The following SVEP1 variants were observed in gnomAD, a reference collection of about 807,000 sequenced individuals.
SVEP1 encodes sushi, von Willebrand factor type A, EGF and pentraxin domain-containing protein 1.
Under a neutral mutation model 367.3 loss-of-function variants are expected in SVEP1, and 164 were observed. The ratio of observed to expected loss-of-function variants is 0.45; its 90% CI spans 0.39 to 0.51. The LOEUF is 0.51. SVEP1 is among the 20% of genes least tolerant of loss of function. SVEP1 has a pLI of 0.00. For synonymous variants in SVEP1, 1,666 were observed against 1,611.6 expected (o/e 1.03, Z -0.81); for missense variants, 4,117 against 4,425.3 (o/e 0.93, Z 1.98).
chr9:110,403,853 C>T (rs1459388031), intron 39 of SVEP1, among the ~76,000 whole-genome samples: 1 of 144,192 alleles, frequency 6.9e-6, no homozygotes, highest in Non-Finnish European at 1.5e-5. Flanking sequence ...TAATAATACA[C>T]TTTTTTTTTT....
chr9:110,435,111 C>A, intron 29 of SVEP1, 130 bp downstream of exon 29: 3 of 973,506 alleles, frequency 3.1e-6, no homozygotes, highest in Middle Eastern at 2.6e-4. Context: ...ATATGAATTA[C>A]TAGTTACAAA....
intron 27 of SVEP1, among the ~76,000 whole-genome samples, chr9:110,441,636 AGAGT>A (rs1258112501): frequency 6.6e-6 from 1 of 152,206 alleles, no homozygotes; most frequent in Non-Finnish European, 1.5e-5. Context: ...GGTTTAAGGA[AGAGT>A]GGCTTTCTCT....
At chr9:110,521,598 C>G (rs561933498) in intron 3 of SVEP1, among the ~76,000 whole-genome samples, 5 of 152,272 alleles carry the variant, frequency 3.3e-5, no homozygotes, top group Admixed American at 3.3e-4. Flanking sequence ...CAAAAATACA[C>G]ACATATATTC....
intron 39 of SVEP1, 53 bp downstream of exon 39, chr9:110,404,274 G>C (rs1827918201): frequency 6.5e-7 from 1 of 1,534,958 alleles, no homozygotes; most frequent in Admixed American, 1.7e-5. Context: ...CTGCTTGCTT[G>C]GCAATATATG....
chr9:110,406,134 T>C (rs762611272), intron 38 of SVEP1, 26 bp downstream of exon 38: 1 of 1,521,660 alleles, frequency 6.6e-7, no homozygotes, highest in Non-Finnish European at 8.8e-7. Context: ...CCGCACCCCT[T>C]GGAGACCCTA....
At chr9:110,556,217 T>C (rs1040893292) in intron 1 of SVEP1, among the ~76,000 whole-genome samples, 1 of 151,976 alleles carries the variant, frequency 6.6e-6, no homozygotes, top group Non-Finnish European at 1.5e-5. Flanking sequence ...GGTTGTGTAA[T>C]ATTGTTCTAA....
intron 3 of SVEP1, among the ~76,000 whole-genome samples, chr9:110,541,017 G>A (rs1026810808): frequency 6.6e-6 from 1 of 152,104 alleles, no homozygotes; most frequent in Non-Finnish European, 1.5e-5. Context: ...AGCTATCTTT[G>A]GTCTCAAGGG....
At chr9:110,457,147 G>A in intron 21 of SVEP1, 109 bp downstream of exon 21, 1 of 839,330 alleles carries the variant, frequency 1.2e-6, no homozygotes, top group Non-Finnish European at 1.8e-6. Context: ...ACATTTACAT[G>A]GTCTAATGTA....
At chr9:110,482,519 T>A in intron 10 of SVEP1, 27 bp from the exon 11 acceptor site, 8 of 1,551,398 alleles carry the variant, frequency 5.2e-6, no homozygotes, top group Non-Finnish European at 7.0e-6. Context: ...GCAGCCAATT[T>A]TTGGGTTGTA....
chr9:110,445,020 G>A (rs1047416629), intron 26 of SVEP1, among the ~76,000 whole-genome samples: 24 of 152,316 alleles, frequency 1.6e-4, no homozygotes, highest in African/African-American at 5.8e-4. Context: ...CCAACAACCT[G>A]CTCATAAGTA....
intron 46 of SVEP1, 35 bp from the exon 47 acceptor site, chr9:110,370,051 T>C: frequency 1.3e-6 from 2 of 1,576,964 alleles, no homozygotes; most frequent in Non-Finnish European, 1.7e-6. Context: ...ATTTAATTAA[T>C]ACTTAGCAAT....
At chr9:110,461,526 A>C (rs941405264) in intron 18 of SVEP1, among the ~76,000 whole-genome samples, 2 of 152,198 alleles carry the variant, frequency 1.3e-5, no homozygotes, top group African/African-American at 4.8e-5. Flanking sequence ...ACGGTTGAAA[A>C]ATTTAGAGAT....
chr9:110,510,627 G>C (rs1829694754), intron 5 of SVEP1, among the ~76,000 whole-genome samples: 2 of 152,204 alleles, frequency 1.3e-5, no homozygotes, highest in South Asian at 4.1e-4. Flanking sequence ...TTTAGGATCA[G>C]ACGCGAGGCT....
chr9:110,450,281 G>C (rs749282928), intron 23 of SVEP1, 21 bp from the exon 24 acceptor site: 1 of 1,611,958 alleles, frequency 6.2e-7, no homozygotes, highest in Non-Finnish European at 8.5e-7. Context: ...AGAAGGAAGA[G>C]AAACAGCCCA....
intron 3 of SVEP1, among the ~76,000 whole-genome samples, chr9:110,541,357 C>T (rs1396332246): frequency 6.6e-6 from 1 of 152,052 alleles, no homozygotes; most frequent in Non-Finnish European, 1.5e-5. Flanking sequence ...TCTGCTTTCT[C>T]CCATCTAATA....
intron 32 of SVEP1, 52 bp from the exon 33 acceptor site, chr9:110,430,502 CAA>C (rs1386810565): frequency 3.9e-6 from 6 of 1,525,622 alleles, no homozygotes; most frequent in South Asian, 1.2e-5. Context: ...CACAACCATG[CAA>C]AGTCTCACAG....
chr9:110,371,518 T>A (rs1185187759), intron 46 of SVEP1, among the ~76,000 whole-genome samples: 1 of 152,148 alleles, frequency 6.6e-6, no homozygotes, highest in Non-Finnish European at 1.5e-5. Flanking sequence ...ACCTAAACTA[T>A]CATCCAACTG....
intron 3 of SVEP1, among the ~76,000 whole-genome samples, chr9:110,518,219 T>G (rs1326383221): frequency 1.3e-5 from 2 of 152,048 alleles, no homozygotes; most frequent in Admixed American, 6.5e-5. Flanking sequence ...GGTCAGAAGT[T>G]CGAGACTAGC....
At position 110,450,232 on chromosome 9, in the gene SVEP1, T is replaced by C. The variant is rs763635627; in HGVS notation, c.3930A>G (p.Glu1310=). Residue 1310 remains glutamate, a synonymous_variant, in exon 24 of 48, where the codon GAA becomes GAG. Coordinates refer to ENST00000374469, the MANE Select transcript of SVEP1 (RefSeq NM_153366.4). ...TATTTAAGCATGGGTTTGACTGGCATTCATTGACTTCTGTTTCACAATGCA... is the reference window on the plus strand; with the variant it reads ...TATTTAAGCATGGGTTTGACTGGCACTCATTGACTTCTGTTTCACAATGCA... The part of the protein sequence containing the change: ...VGLHCETEVN[E]CQSNPCLNNA... 2 of 1,613,830 alleles carry C rather than the reference T, an allele frequency of 1.2e-6. No individual in the cohort carries two copies. The highest frequency in any genetic ancestry group is 1.7e-6 in the Non-Finnish European group (2 of 1,179,806).
Sources: gnomAD v4.1 joint callset for allele counts (sites outside exome capture counted in the v4.1 genomes callset) on GRCh38, gnomAD v4.1.1 for gene constraint, MANE v1.5 for transcripts, NCBI Gene and HGNC (gene_info 2026-07-23, HGNC 2026-07-21) for gene names.